The following CCT4 variants were observed in gnomAD, a reference collection of about 807,000 sequenced individuals.
CCT4 encodes chaperonin containing TCP1 subunit 4.
Under a neutral mutation model 62.5 loss-of-function variants are expected in CCT4, and 17 were observed. The ratio of observed to expected loss-of-function variants is 0.27; its 90% CI spans 0.19 to 0.41. The LOEUF is 0.41. Ranked by LOEUF, CCT4 falls within the 10% of genes least tolerant of loss-of-function variation. CCT4 has a pLI of 1.00. For missense variants in CCT4, 592 were observed against 659.2 expected (o/e 0.90, Z 1.12); for synonymous variants, 250 against 229.9 (o/e 1.09, Z -0.79).
At chr2:61,876,273 T>C (rs745791281) in intron 7 of CCT4, 39 bp from the exon 8 acceptor site, 5 of 1,492,958 alleles carry the variant, frequency 3.3e-6, no homozygotes, top group Non-Finnish European at 4.5e-6. Context: ...CATTGTAAGA[T>C]ATTTTAAGTT....
chr2:61,880,480 A>C, intron 3 of CCT4, 86 bp from the exon 4 acceptor site: 1 of 744,338 alleles, frequency 1.3e-6, no homozygotes, highest in Non-Finnish European at 2.3e-6. Context: ...CCAGTGTCAC[A>C]AACAGAATTT....
In CCT4 at chr2:61,888,594, C is replaced by T. The variant is rs1409195103; in HGVS notation, c.-87G>A. ...CCGCAGTGTAATAACGGTAAGCCCTCACTGCCTTCACGAACCTTCCAGAAA... is the reference window on the plus strand; with the variant it reads ...CCGCAGTGTAATAACGGTAAGCCCTTACTGCCTTCACGAACCTTCCAGAAA... On this transcript the variant is annotated 5_prime_UTR_variant, in exon 1 of 14. Transcript: ENST00000394440. The T allele has an allele frequency of 1.4e-6, 2 of 1,456,176 alleles. No individual in the cohort carries two copies. The highest frequency in any genetic ancestry group is 2.4e-5 in the East Asian group (1 of 41,426). The allele number at this position is 1,456,176 out of a possible 1,614,324, so 90.2% of individuals were successfully genotyped here. A position where few individuals can be genotyped will look rare whatever the true frequency, so the allele number is the denominator to read the frequency against.
chr2:61,879,127 A>G (rs1484520948), intron 4 of CCT4, 116 bp from the exon 5 acceptor site: 4 of 689,056 alleles, frequency 5.8e-6, no homozygotes, highest in Non-Finnish European at 9.7e-6. Flanking sequence ...ATTCTTAATT[A>G]CAAACTTATG....
chr2:61,884,395 C>A (rs865782656), intron 2 of CCT4, among the ~76,000 whole-genome samples: 4 of 152,080 alleles, frequency 2.6e-5, no homozygotes, highest in African/African-American at 9.7e-5. Context: ...CCTCTGCCTC[C>A]TGGGTTCAAG....
chr2:61,869,419 T>C (rs762639601), intron 13 of CCT4, 21 bp downstream of exon 13: 31 of 1,406,550 alleles, frequency 2.2e-5, no homozygotes, highest in East Asian at 4.6e-5. Flanking sequence ...CTAAGAAAAT[T>C]TGCAACCTGG....
chr2:61,873,177 T>C lies in CCT4; in HGVS notation c.1014+20A>G. 1 of 1,431,138 alleles carries C rather than the reference T, an allele frequency of 7.0e-7. No individual in the cohort carries two copies. The highest frequency in any genetic ancestry group is 9.9e-7 in the Non-Finnish European group (1 of 1,013,630). 88.7% of individuals were successfully genotyped at this position (1,431,138 alleles called of 1,614,324 possible). On this transcript the variant is annotated intron_variant, in intron 9 of 13. Transcript: ENST00000394440. Reference sequence around the variant, plus strand: ...CTAATTATCAGACATTTTCCACAAATACAGATGTTAATGTTTTACCTTACA... The same window carrying C: ...CTAATTATCAGACATTTTCCACAAACACAGATGTTAATGTTTTACCTTACA...
chr2:61,884,974 G>T, intron 2 of CCT4, 46 bp downstream of exon 2: 2 of 1,456,786 alleles, frequency 1.4e-6, no homozygotes, highest in Non-Finnish European at 1.9e-6. Context: ...CTTGTAGTGT[G>T]AACAGCAGTG....
At chr2:61,873,133 C>T in intron 9 of CCT4, 21 bp from the exon 10 acceptor site, 2 of 1,524,772 alleles carry the variant, frequency 1.3e-6, no homozygotes, top group Non-Finnish European at 1.8e-6. Flanking sequence ...CAGTCAAATC[C>T]ACAAATTAAG....
chr2:61,881,869 GT>G (rs1191609457), intron 3 of CCT4, among the ~76,000 whole-genome samples: 1 of 143,908 alleles, frequency 6.9e-6, no homozygotes, highest in East Asian at 2.0e-4. Context: ...CAGTATCTTT[GT>G]AAAAAAAAAA....
intron 13 of CCT4, 104 bp from the exon 14 acceptor site, chr2:61,868,810 C>G: frequency 1.2e-6 from 1 of 820,164 alleles, no homozygotes; most frequent in South Asian, 1.4e-5. Flanking sequence ...TTAAGAACTG[C>G]TGTCACCTTG....
Position 61,868,407 on chromosome 2 carries a change from C to T in CCT4, c.*285G>A. On this transcript the variant is annotated 3_prime_UTR_variant, in exon 14 of 14. Coordinates refer to ENST00000394440, the MANE Select transcript of CCT4 (RefSeq NM_006430.4). ...ATGAGCATATTGGGCCATTTTTTTC[C>T]TCAACATGTAAACTCACTTTTTACG... 1 of 364,740 alleles carries T rather than the reference C, an allele frequency of 2.7e-6. No homozygotes were observed. 22.6% of individuals were successfully genotyped at this position (364,740 alleles called of 1,614,324 possible).
At chr2:61,886,836 G>T (rs1456763316) in intron 1 of CCT4, among the ~76,000 whole-genome samples, 3 of 151,364 alleles carry the variant, frequency 2.0e-5, no homozygotes, top group African/African-American at 7.3e-5. Flanking sequence ...GTCAGTTCAC[G>T]GCAACCTCCG....
At chr2:61,884,404 A>T (rs1669201697) in intron 2 of CCT4, among the ~76,000 whole-genome samples, 4 of 151,898 alleles carry the variant, frequency 2.6e-5, no homozygotes, top group African/African-American at 9.7e-5. Flanking sequence ...CCTGGGTTCA[A>T]GTGATTCTCC....
At chr2:61,881,706 G>A (rs938503523) in intron 3 of CCT4, among the ~76,000 whole-genome samples, 5 of 151,660 alleles carry the variant, frequency 3.3e-5, no homozygotes, top group Non-Finnish European at 5.9e-5. Context: ...CTTTTTTCAT[G>A]TAATGTTTCA....
intron 6 of CCT4, among the ~76,000 whole-genome samples, 160 bp from the exon 7 acceptor site, chr2:61,877,212 AC>A: frequency 6.6e-6 from 1 of 152,334 alleles, no homozygotes; most frequent in East Asian, 1.9e-4. Flanking sequence ...CTGCTGCCTT[AC>A]TATCATAAGG....
chr2:61,876,948 T>C lies in CCT4; in HGVS notation c.749A>G (p.Gln250Arg). 6.2e-7 allele frequency: 1 copy of C among 1,613,462 alleles called. No homozygotes were observed. The highest frequency in any genetic ancestry group is 8.5e-7 in the Non-Finnish European group (1 of 1,179,782). The change falls in exon 7 of 14, where the codon CAG (glutamine) becomes CGG (arginine). Residue 250 changes from glutamine to arginine, a missense_variant. Around this residue, in one of 3 missense-constraint regions of CCT4, gnomAD observed 522 missense variants for 571.2 expected, o/e 0.91. Transcript: ENST00000394440. ...TGTTTTGGGAGCAGATAAGCAAAAC[T>C]GAATAAGCCCAATCTTGGCCTTTTC... ...RVEKAKIGLI[Q>R]FCLSAPKTDM... is the part of the protein sequence containing the mutation.
At chr2:61,868,895 G>A (rs1373393940) in intron 13 of CCT4, 189 bp from the exon 14 acceptor site, 6 of 530,870 alleles carry the variant, frequency 1.1e-5, no homozygotes, top group Non-Finnish European at 2.0e-5. Context: ...CCAGCACTTT[G>A]GGAGGCTGAG....
intron 3 of CCT4, among the ~76,000 whole-genome samples, chr2:61,882,637 T>C (rs1416435992): frequency 1.3e-5 from 2 of 151,936 alleles, no homozygotes; most frequent in Non-Finnish European, 2.9e-5. Flanking sequence ...GCCTCCTGAG[T>C]AGCTGAGACC....
intron 3 of CCT4, among the ~76,000 whole-genome samples, chr2:61,882,421 A>G (rs1669138612): frequency 1.3e-5 from 2 of 152,324 alleles, no homozygotes; most frequent in South Asian, 4.1e-4. Flanking sequence ...CTGTGGACAC[A>G]TGAACTGCTA....
Sources: gnomAD v4.1 joint callset for allele counts (sites outside exome capture counted in the v4.1 genomes callset) on GRCh38, gnomAD v4.1.1 for gene constraint, gnomAD v4.1.1 regional missense constraint, MANE v1.5 for transcripts, NCBI Gene and HGNC (gene_info 2026-07-23, HGNC 2026-07-21) for gene names.